HDAC4: variants seen among roughly 807,000 people sequenced by gnomAD.
HDAC4 encodes the protein histone deacetylase A.
A neutral mutation model predicts 135.1 loss-of-function variants in HDAC4; 16 were observed. The ratio of observed to expected loss-of-function variants is 0.12; its 90% confidence interval spans 0.08 to 0.18. HDAC4 has a LOEUF of 0.18. Among genes scored for constraint, HDAC4 ranks in the 10% least tolerant of loss-of-function variants. The pLI, the probability that HDAC4 is intolerant of heterozygous loss-of-function variation, is 1.00. For missense variants in HDAC4, 1,143 were observed against 1,511.8 expected (o/e 0.76, Z 4.05); for synonymous variants, 685 against 653.4 (o/e 1.05, Z -0.74).
At chr2:239,128,358 G>A (rs559297187) in intron 11 of HDAC4, among the ~76,000 whole-genome samples, 13 of 152,074 alleles carry the variant, frequency 8.5e-5, no homozygotes, top group Admixed American at 2.6e-4. Flanking sequence ...GCAAAACCCC[G>A]TCTCTACTAA....
intron 14 of HDAC4, 99 bp from the exon 15 acceptor site, chr2:239,108,282 C>T: frequency 2.9e-6 from 4 of 1,398,604 alleles, no homozygotes; most frequent in Non-Finnish European, 4.0e-6. Flanking sequence ...CCACCACTTC[C>T]CTAGAAGGAG....
chr2:239,367,978 A>AAAATAAAT (rs578057387), intron 1 of HDAC4, among the ~76,000 whole-genome samples: 2 of 152,062 alleles, frequency 1.3e-5, no homozygotes, highest in Non-Finnish European at 2.9e-5. Flanking sequence ...ACTCCGTCTC[A>AAAATAAAT]AAATAAATAA....
At chr2:239,127,782 A>G (rs1454206479) in intron 11 of HDAC4, among the ~76,000 whole-genome samples, 1 of 152,036 alleles carries the variant, frequency 6.6e-6, no homozygotes, top group African/African-American at 2.4e-5. Flanking sequence ...GGGCTACGGG[A>G]CCTCCAGGGA....
intron 2 of HDAC4, among the ~76,000 whole-genome samples, chr2:239,244,159 C>A (rs530819406): frequency 6.6e-6 from 1 of 152,250 alleles, no homozygotes; most frequent in East Asian, 1.9e-4. Context: ...TCATGGGCAA[C>A]GGCAGAGTTC....
At chr2:239,373,751 TCTC>T (rs1694798391) in intron 1 of HDAC4, among the ~76,000 whole-genome samples, 1 of 152,200 alleles carries the variant, frequency 6.6e-6, no homozygotes, top group Non-Finnish European at 1.5e-5. Context: ...TTTCCAAAAC[TCTC>T]ATTTCTTCAT....
At chr2:239,213,586 T>C (rs1398692000) in intron 3 of HDAC4, among the ~76,000 whole-genome samples, 2 of 152,216 alleles carry the variant, frequency 1.3e-5, no homozygotes, top group Non-Finnish European at 2.9e-5. Flanking sequence ...AGCTTGTGTT[T>C]TTCCAGCTCG....
At chr2:239,091,312 G>A (rs1311944392) in intron 17 of HDAC4, 1 of 152,284 alleles carries the variant, frequency 6.6e-6, no homozygotes, top group Non-Finnish European at 1.5e-5. Context: ...CAGGGAACCT[G>A]AGCATCTGTC....
chr2:239,181,798 G>A (rs970018747), intron 4 of HDAC4, among the ~76,000 whole-genome samples: 3 of 152,188 alleles, frequency 2.0e-5, no homozygotes, highest in Non-Finnish European at 4.4e-5. Flanking sequence ...GTTCCTGTGA[G>A]GACTGGAAGA....
chr2:239,260,283 C>A (rs1433732842), intron 2 of HDAC4, among the ~76,000 whole-genome samples: 1 of 152,188 alleles, frequency 6.6e-6, no homozygotes, highest in Non-Finnish European at 1.5e-5. Flanking sequence ...GACTCTGAAC[C>A]CAGACGTGCA....
intron 1 of HDAC4, among the ~76,000 whole-genome samples, chr2:239,377,470 C>A (rs1172316912): frequency 6.6e-6 from 1 of 152,232 alleles, no homozygotes; most frequent in Non-Finnish European, 1.5e-5. Context: ...CAATGGGCCT[C>A]TCTGGACCCT....
In HDAC4 at chr2:239,176,501, C is replaced by T. The variant is rs144483642; in HGVS notation, c.402G>A (p.Leu134=). Residue 134 remains leucine (L), a synonymous_variant, in exon 5 of 27, where the codon CTG becomes CTA. Transcript: ENST00000543185. The part of the protein sequence containing the change: ...QQELLEHQRK[L]ERHRQEQELE... Reference sequence around the variant, plus strand: ...GCTCCTGCTCCTGGCGGTGCCTCTCCAGCTTCCGCTGGTGTTCCAGCAGCT... The same window carrying T: ...GCTCCTGCTCCTGGCGGTGCCTCTCTAGCTTCCGCTGGTGTTCCAGCAGCT... 4 of 1,613,426 alleles carry T rather than the reference C, an allele frequency of 2.5e-6. No homozygotes were observed. In the African/African-American group the frequency reaches 5.3e-5, roughly 22 times the overall value.
intron 7 of HDAC4, among the ~76,000 whole-genome samples, chr2:239,145,332 C>T (rs533522059): frequency 3.6e-4 from 55 of 152,204 alleles, no homozygotes; most frequent in African/African-American, 1.1e-3. Flanking sequence ...CCAACATCTG[C>T]GCCGGCTTCA....
At chr2:239,132,187 T>C (rs941233530) in intron 11 of HDAC4, among the ~76,000 whole-genome samples, 5 of 152,174 alleles carry the variant, frequency 3.3e-5, no homozygotes, top group Admixed American at 6.5e-5. Context: ...CACAGCCCAC[T>C]TAACCCTCAT....
At chr2:239,377,492 T>TGTCTTCTATGCAG (rs1407774739) in intron 1 of HDAC4, among the ~76,000 whole-genome samples, 1 of 152,070 alleles carries the variant, frequency 6.6e-6, no homozygotes, top group Non-Finnish European at 1.5e-5. Flanking sequence ...CTGGAGGCCC[T>TGTCTTCTATGCAG]GTCTTCTATG....
chr2:239,087,638 G>A (rs954049550), intron 18 of HDAC4, 24 bp from the exon 19 acceptor site: 3 of 1,612,008 alleles, frequency 1.9e-6, no homozygotes, highest in African/African-American at 2.7e-5. Context: ...CAGACAGCCA[G>A]GAGAGAGCAA....
At chr2:239,287,744 G>A (rs1251210313) in intron 2 of HDAC4, among the ~76,000 whole-genome samples, 1 of 152,148 alleles carries the variant, frequency 6.6e-6, no homozygotes, top group East Asian at 1.9e-4. Flanking sequence ...GATTAATACA[G>A]ATTAATCAAG....
intron 2 of HDAC4, among the ~76,000 whole-genome samples, chr2:239,321,673 G>A (rs1356428183): frequency 2.6e-5 from 4 of 152,068 alleles, no homozygotes. Context: ...GCTGCTTCCT[G>A]TCAGAGTACA....
At chr2:239,272,409 T>C (rs1280434966) in intron 2 of HDAC4, among the ~76,000 whole-genome samples, 1 of 152,128 alleles carries the variant, frequency 6.6e-6, no homozygotes, top group Non-Finnish European at 1.5e-5. Flanking sequence ...TTGCAAACCA[T>C]ATATCTGATC....
chr2:239,153,492 T>C (rs924407827), intron 7 of HDAC4, among the ~76,000 whole-genome samples: 1 of 150,080 alleles, frequency 6.7e-6, no homozygotes, highest in African/African-American at 2.5e-5. Flanking sequence ...ATGAGCGATG[T>C]CATGTGTTTG....
Sources: gnomAD v4.1 joint callset for allele counts (sites outside exome capture counted in the v4.1 genomes callset) on GRCh38, gnomAD v4.1.1 for gene constraint, MANE v1.5 for transcripts, NCBI Gene and HGNC (gene_info 2026-07-23, HGNC 2026-07-21) for gene names.